The following MIER2 variants were observed in gnomAD, a reference collection of about 807,000 sequenced individuals.
The protein encoded by MIER2 is mesoderm induction early response protein 2.
A neutral mutation model predicts 67.6 loss-of-function variants in MIER2; 30 were observed. The ratio of observed to expected loss-of-function variants is 0.44; its 90% CI spans 0.33 to 0.60. MIER2 has a LOEUF of 0.60. Among genes scored for constraint, MIER2 ranks in the 20% least tolerant of loss-of-function variants. The pLI is 0.02. For synonymous variants in MIER2, 372 were observed against 312.6 expected (o/e 1.19, Z -2.00); for missense variants, 702 against 745.1 (o/e 0.94, Z 0.67).
At chr19:343,904 C>A in intron 1 of MIER2, 2 of 985,394 alleles carry the variant, frequency 2.0e-6, no homozygotes, top group Non-Finnish European at 1.2e-6. Context: ...GCTTCAAAAG[C>A]GAAAGTTTCT....
At chr19:326,025 G>A (rs1378898883) in intron 6 of MIER2, among the ~76,000 whole-genome samples, 2 of 152,230 alleles carry the variant, frequency 1.3e-5, no homozygotes, top group African/African-American at 4.8e-5. Flanking sequence ...AGCCCACCCT[G>A]GGGTCGAGCA....
chr19:317,323 C>G (rs914142507), intron 7 of MIER2, among the ~76,000 whole-genome samples: 11 of 151,920 alleles, frequency 7.2e-5, no homozygotes, highest in African/African-American at 2.2e-4. Context: ...GTCAGGAGAT[C>G]GAGACCACCC....
At chr19:330,052 C>T (rs976290424) in intron 3 of MIER2, among the ~76,000 whole-genome samples, 4 of 152,062 alleles carry the variant, frequency 2.6e-5, no homozygotes, top group Admixed American at 2.6e-4. Context: ...GACGAAGAGG[C>T]TGTTCCTGGT....
intron 7 of MIER2, among the ~76,000 whole-genome samples, chr19:317,889 A>G (rs1210696343): frequency 2.0e-5 from 3 of 152,204 alleles, no homozygotes; most frequent in Non-Finnish European, 4.4e-5. Context: ...TTAAAAGACA[A>G]TGGTTTTCTC....
At chr19:340,995 G>C (rs892117841) in intron 1 of MIER2, among the ~76,000 whole-genome samples, 2 of 152,198 alleles carry the variant, frequency 1.3e-5, no homozygotes, top group African/African-American at 4.8e-5. Flanking sequence ...GCCTGGGTCT[G>C]GCAGAGATGG....
chr19:327,451 C>T (rs1462253733), intron 4 of MIER2, among the ~76,000 whole-genome samples, 195 bp from the exon 5 acceptor site: 1 of 152,228 alleles, frequency 6.6e-6, no homozygotes, highest in Non-Finnish European at 1.5e-5. Context: ...CACCCAGCCA[C>T]CAGAGCTGGA....
intron 7 of MIER2, among the ~76,000 whole-genome samples, chr19:317,643 T>G (rs1452812833): frequency 6.7e-6 from 1 of 148,956 alleles, no homozygotes; most frequent in Admixed American, 6.7e-5. Context: ...GGTAGGAGAA[T>G]CACTTGAACC....
intron 10 of MIER2, among the ~76,000 whole-genome samples, chr19:310,577 C>CGGCCCGGAGCTGCAGAAACA (rs1568216501): frequency 1.4e-4 from 21 of 148,786 alleles, no homozygotes; most frequent in African/African-American, 2.2e-4. Context: ...TATAGAAACA[C>CGGCCCGGAGCTGCAGAAACA]GGCCGGGAGC....
At chr19:342,605 A>G (rs572665872) in intron 1 of MIER2, among the ~76,000 whole-genome samples, 67 of 148,880 alleles carry the variant, frequency 4.5e-4, no homozygotes, top group African/African-American at 1.6e-3. Flanking sequence ...TTAAAAGATC[A>G]ATCTAGTATG....
intron 1 of MIER2, among the ~76,000 whole-genome samples, chr19:336,512 G>A (rs111982226): frequency 6.6e-6 from 1 of 152,230 alleles, no homozygotes; most frequent in African/African-American, 2.4e-5. Context: ...TGCACTGGGA[G>A]GGAAGCCAGA....
intron 1 of MIER2, 61 bp downstream of exon 1, chr19:344,713 G>T: frequency 2.8e-6 from 3 of 1,062,454 alleles, no homozygotes; most frequent in South Asian, 4.5e-5. Context: ...GCCGAGCCAC[G>T]GCGGCGGGGG....
intron 1 of MIER2, among the ~76,000 whole-genome samples, chr19:341,555 A>G (rs1972502861): frequency 6.6e-6 from 1 of 152,134 alleles, no homozygotes; most frequent in Non-Finnish European, 1.5e-5. Flanking sequence ...TACAGACTTC[A>G]TGGATCTTCT....
chr19:325,350 A>AAGGGC (rs1568229063), intron 7 of MIER2, among the ~76,000 whole-genome samples: 1 of 152,150 alleles, frequency 6.6e-6, no homozygotes, highest in Non-Finnish European at 1.5e-5. Context: ...GGCTGGAGTC[A>AAGGGC]AGGGCAGGGC....
At chr19:317,730 C>CAAAAA (rs10710807) in intron 7 of MIER2, among the ~76,000 whole-genome samples, 3 of 84,308 alleles carry the variant, frequency 3.6e-5, no homozygotes, top group Non-Finnish European at 4.9e-5. Context: ...GACTCTGTCT[C>CAAAAA]AAAAAAAAAA....
intron 10 of MIER2, among the ~76,000 whole-genome samples, 191 bp downstream of exon 10, chr19:311,654 G>A (rs1004225519): frequency 4.6e-5 from 7 of 152,184 alleles, no homozygotes; most frequent in African/African-American, 1.7e-4. Context: ...TTGTTCTTGT[G>A]GGGACAGGAA....
At position 326,532 on chromosome 19, in the gene MIER2, G is replaced by C. The variant is rs1449550330; in HGVS notation, c.560C>G (p.Ser187Cys). The change falls in exon 6 of 14, where the codon TCT becomes TGT. Residue 187 changes from serine (S) to cysteine (C), a missense_variant. By Grantham distance (112) the Ser-to-Cys change is moderately radical. This residue lies in a region of MIER2 where 320 missense variants were observed against 292.6 expected (regional missense o/e 1.09). Coordinates refer to ENST00000264819, the MANE Select transcript of MIER2 (RefSeq NM_017550.3). ...CTTCTTACATTTGTTGGCAGGAAGA[G>C]AGTCCTCCTCGGTGTCGGAGGAGGC... ...SSASSDTEEDSLPANKCKKEI... is the reference protein window; with the variant it reads ...SSASSDTEEDCLPANKCKKEI... 6.2e-7 allele frequency: 1 copy of C among 1,614,096 alleles called. No individual in the cohort carries two copies. Among genetic ancestry groups the C allele is most frequent in the South Asian group, 1.1e-5 (1 of 91,090 alleles).
intron 1 of MIER2, among the ~76,000 whole-genome samples, chr19:336,686 G>C (rs891064981): frequency 1.3e-5 from 2 of 152,150 alleles, no homozygotes; most frequent in Non-Finnish European, 2.9e-5. Flanking sequence ...GAATGTTTTA[G>C]AATCAGATAG....
Position 313,550 on chromosome 19 carries a change from C to A in MIER2, c.749G>T (p.Trp250Leu). 1 of 1,613,256 alleles carries A rather than the reference C, an allele frequency of 6.2e-7. No individual in the cohort carries two copies. The highest frequency in any genetic ancestry group is 8.5e-7 in the Non-Finnish European group (1 of 1,179,944). The change falls in exon 8 of 14, where the codon TGG becomes TTG. Residue 250 changes from tryptophan to leucine, a missense_variant. By Grantham distance (61) the Trp-to-Leu change is moderately conservative. Transcript: ENST00000264819. ...EFLYRAVKRR[W>L]HEMAGPQLPE... is the part of the protein sequence containing the mutation. The stretch of plus-strand genomic sequence containing the variant: ...GAGCTGAGGCCCGGCCATCTCGTGC[C>A]AACGCCGCTTCACCGCCCTGTACAG...
At chr19:335,056 C>T (rs1972177462) in intron 2 of MIER2, among the ~76,000 whole-genome samples, 1 of 152,236 alleles carries the variant, frequency 6.6e-6, no homozygotes, top group Admixed American at 6.5e-5. Flanking sequence ...ATGAAGAAGA[C>T]ATGCGATGTA....
Sources: gnomAD v4.1 joint callset for allele counts (sites outside exome capture counted in the v4.1 genomes callset) on GRCh38, gnomAD v4.1.1 for gene constraint, gnomAD v4.1.1 regional missense constraint, MANE v1.5 for transcripts, NCBI Gene and HGNC (gene_info 2026-07-23, HGNC 2026-07-21) for gene names.